The following DIP2B variants were observed in gnomAD, a reference collection of about 807,000 sequenced individuals.
The protein encoded by DIP2B is disco-interacting protein 2 homolog B.
Under a neutral mutation model 198.0 loss-of-function variants are expected in DIP2B, and 76 were observed. The ratio of observed to expected loss-of-function variants is 0.38; its 90% CI spans 0.32 to 0.46. The LOEUF is 0.46. DIP2B is among the 20% of genes least tolerant of loss of function. The pLI is 0.99. For synonymous variants in DIP2B, 701 were observed against 739.1 expected (o/e 0.95, Z 0.84); for missense variants, 1,559 against 1,978.4 (o/e 0.79, Z 4.02).
chr12:50,688,776 C>T (rs1939173774), intron 12 of DIP2B, among the ~76,000 whole-genome samples: 1 of 152,234 alleles, frequency 6.6e-6, no homozygotes, highest in African/African-American at 2.4e-5. Flanking sequence ...CCAGTCCTGG[C>T]TTCTTGGACT....
chr12:50,510,970 G>A (rs565094839), intron 1 of DIP2B, among the ~76,000 whole-genome samples: 1 of 140,450 alleles, frequency 7.1e-6, no homozygotes, highest in African/African-American at 2.7e-5. Context: ...TTTTGAGACG[G>A]AGTCTCTCCC....
intron 1 of DIP2B, among the ~76,000 whole-genome samples, chr12:50,547,242 C>T (rs10431486): frequency 0.25 from 37,407 of 152,062 alleles, 5,361 homozygotes; most frequent in East Asian, 0.37. Flanking sequence ...TGGCTTAAAA[C>T]AGTGAAATAT....
chr12:50,516,796 G>T (rs1000441426), intron 1 of DIP2B, among the ~76,000 whole-genome samples: 1 of 151,976 alleles, frequency 6.6e-6, no homozygotes, highest in Non-Finnish European at 1.5e-5. Context: ...CCAACATGGC[G>T]AAACCCTATC....
At chr12:50,556,938 G>A (rs961521449) in intron 1 of DIP2B, among the ~76,000 whole-genome samples, 5 of 152,132 alleles carry the variant, frequency 3.3e-5, no homozygotes. Flanking sequence ...TTGAACTCCT[G>A]ACCTCAGGTG....
chr12:50,702,847 C>T (rs748048182), intron 19 of DIP2B, among the ~76,000 whole-genome samples: 10 of 148,832 alleles, frequency 6.7e-5, no homozygotes, highest in African/African-American at 2.2e-4. Context: ...GCTCGGCAAA[C>T]GAAGGAAAAG....
chr12:50,565,317 G>T (rs77582948), intron 1 of DIP2B, among the ~76,000 whole-genome samples: 1 of 148,130 alleles, frequency 6.8e-6, no homozygotes, highest in South Asian at 2.1e-4. Flanking sequence ...TTTTTTTTTT[G>T]AGATGGGTCA....
In DIP2B at chr12:50,685,724, T is replaced by A; in HGVS notation, c.1318-109T>A. On this transcript the variant is annotated intron_variant, in intron 10 of 37. Transcript: ENST00000301180. ...GACAATTGCCAGATATTGGTGGGGC[T>A]CCATGAATGTTATCAAACAAAATGC... The A allele has an allele frequency of 4.0e-6, 5 of 1,255,460 alleles. No homozygotes were observed. The South Asian group carries it at 9.4e-5, about 24-fold the overall frequency. 77.8% of individuals were successfully genotyped at this position (1,255,460 alleles called of 1,614,324 possible). A position where few individuals can be genotyped will look rare whatever the true frequency, so the allele number is the denominator to read the frequency against.
intron 1 of DIP2B, among the ~76,000 whole-genome samples, chr12:50,541,077 A>C (rs548187832): frequency 1.6e-4 from 25 of 152,286 alleles, no homozygotes; most frequent in African/African-American, 5.5e-4. Flanking sequence ...TTTCCTTTGG[A>C]GAATATAGAA....
At chr12:50,630,103 C>A (rs1432883447) in intron 2 of DIP2B, among the ~76,000 whole-genome samples, 1 of 152,002 alleles carries the variant, frequency 6.6e-6, no homozygotes, top group Non-Finnish European at 1.5e-5. Context: ...GCATGTGCCA[C>A]CACGCCCAGC....
intron 19 of DIP2B, among the ~76,000 whole-genome samples, chr12:50,702,726 TC>T (rs1939441823): frequency 2.7e-5 from 2 of 73,734 alleles, no homozygotes; most frequent in African/African-American, 1.1e-4. Context: ...TAGTGAGACC[TC>T]ATCTCTTAAA....
At chr12:50,678,657 C>T (rs759139344) in intron 7 of DIP2B, 22 bp from the exon 8 acceptor site, 43 of 1,606,942 alleles carry the variant, frequency 2.7e-5, no homozygotes, top group Admixed American at 5.1e-5. Flanking sequence ...TCATTTCACT[C>T]ATTGGGATTT....
chr12:50,669,324 A>G (rs1938809545), intron 4 of DIP2B, among the ~76,000 whole-genome samples: 2 of 152,230 alleles, frequency 1.3e-5, no homozygotes, highest in Non-Finnish European at 2.9e-5. Flanking sequence ...TAAAAAGCAA[A>G]AACAGTCACA....
chr12:50,572,389 A>G lies in DIP2B; in HGVS notation c.101-53587A>G, dbSNP rs374427259. Among the ~76,000 whole-genome samples the G allele has an allele frequency of 1.6e-4, 24 of 152,350 alleles. No homozygotes were observed. In the East Asian group the frequency reaches 2.7e-3, roughly 17 times the overall value. On this transcript the variant is annotated intron_variant, in intron 1 of 37. Transcript: ENST00000301180. ...TTTCCTAGAAGAAAAATATTTCACA[A>G]TAAGGGGAACTGAAAGCATTTGCTA...
At chr12:50,659,634 A>T (rs1005334531) in intron 3 of DIP2B, among the ~76,000 whole-genome samples, 3 of 152,064 alleles carry the variant, frequency 2.0e-5, no homozygotes, top group Non-Finnish European at 2.9e-5. Context: ...GAGAGCTGAA[A>T]TTTTTTGTGC....
At chr12:50,711,631 G>T (rs545438397) in intron 22 of DIP2B, among the ~76,000 whole-genome samples, 1 of 151,984 alleles carries the variant, frequency 6.6e-6, no homozygotes, top group South Asian at 2.1e-4. Context: ...GCACGATCTC[G>T]GCTCACTGCA....
At chr12:50,632,826 C>T (rs1018667274) in intron 2 of DIP2B, among the ~76,000 whole-genome samples, 5 of 152,024 alleles carry the variant, frequency 3.3e-5, no homozygotes, top group Admixed American at 6.6e-5. Flanking sequence ...TGAGCCACTG[C>T]ACCTGGTCTA....
chr12:50,516,199 C>T lies in DIP2B; in HGVS notation c.100+10959C>T, dbSNP rs200092457. The stretch of plus-strand genomic sequence containing the variant: ...CACTCCTCTTTCATGACCTAATCAC[C>T]TCCTAGAGGCACCATCTCTCTCTCT... On this transcript the variant is annotated intron_variant, in intron 1 of 37. Transcript: ENST00000301180. Among the ~76,000 whole-genome samples, 3 of 151,032 alleles carry T rather than the reference C, an allele frequency of 2.0e-5. No homozygotes were observed. The East Asian group carries it at 5.9e-4, about 29-fold the overall frequency.
intron 14 of DIP2B, among the ~76,000 whole-genome samples, chr12:50,693,754 G>A: frequency 6.6e-6 from 1 of 152,200 alleles, no homozygotes; most frequent in East Asian, 1.9e-4. Context: ...ATAGGGACAT[G>A]TGTGAAGAAT....
intron 12 of DIP2B, 84 bp downstream of exon 12, chr12:50,686,766 G>C: frequency 7.6e-7 from 1 of 1,316,630 alleles, no homozygotes; most frequent in Non-Finnish European, 1.1e-6. Flanking sequence ...CTGAATTTTT[G>C]CAACGTTAAT....
Sources: allele counts gnomAD v4.1 joint callset (sites outside exome capture counted in the v4.1 genomes callset), GRCh38; gene constraint gnomAD v4.1.1; transcripts MANE v1.5; gene names NCBI Gene and HGNC (gene_info 2026-07-23, HGNC 2026-07-21).